Variants in POLI observed in about 807,000 individuals in gnomAD.
POLI encodes the protein RAD30 homolog B.
A neutral mutation model predicts 51.6 loss-of-function variants in POLI; 58 were observed. The observed-to-expected ratio is 1.12, with a 90% CI of 0.91 to 1.40. POLI has a LOEUF of 1.40. Among genes scored for constraint, POLI ranks in the 40% most tolerant of loss-of-function variants. POLI has a pLI of 0.00. For missense variants in POLI, 921 were observed against 871.3 expected (o/e 1.06, Z -0.72); for synonymous variants, 322 against 299.7 (o/e 1.07, Z -0.77).
At chr18:54,279,241 CTTTT>C (rs769828054) in intron 4 of POLI, among the ~76,000 whole-genome samples, 1 of 119,114 alleles carries the variant, frequency 8.4e-6, no homozygotes, top group African/African-American at 3.3e-5. Flanking sequence ...TATGTCTTTT[CTTTT>C]TTTTTTTTTT....
At position 54,295,000 on chromosome 18, in the gene POLI, A is replaced by G. The variant is rs953662269; in HGVS notation, c.*533A>G. ...ATTTATATTCAATTAATGCTTCTTC[A>G]TACACCAAGAATCTACCACAATACA... On this transcript the variant is annotated 3_prime_UTR_variant, in exon 10 of 10. Transcript: ENST00000579534. The G allele has an allele frequency of 1.0e-6, 1 of 985,048 alleles. No individual in the cohort carries two copies. The highest frequency in any genetic ancestry group is 1.7e-5 in the African/African-American group (1 of 57,242). The allele number at this position is 985,048 out of a possible 1,614,324, so 61.0% of individuals were successfully genotyped here. A position where few individuals can be genotyped will look rare whatever the true frequency, so the allele number is the denominator to read the frequency against.
At position 54,291,894 on chromosome 18, in the gene POLI, G is replaced by T. The variant is rs767795082; in HGVS notation, c.1260G>T (p.Val420=). The T allele has an allele frequency of 6.2e-7, 1 of 1,608,962 alleles. No homozygotes were observed. The highest frequency in any genetic ancestry group is 8.5e-7 in the Non-Finnish European group (1 of 1,175,888). The change falls in exon 9 of 10, where the codon GTG becomes GTT. Residue 420 remains valine, a synonymous_variant. Coordinates refer to ENST00000579534, the MANE Select transcript of POLI (RefSeq NM_007195.3). ...TTATGAAACTTTTTCGAAATATGGTGAATGTGAAGATGCCATTTCACCTTA... is the reference window on the plus strand; with the variant it reads ...TTATGAAACTTTTTCGAAATATGGTTAATGTGAAGATGCCATTTCACCTTA... ...DILMKLFRNM[V]NVKMPFHLTL...
At position 54,297,892 on chromosome 18, in the gene POLI, C is replaced by G. The variant is rs755707482; in HGVS notation, c.*3425C>G. ...GGGGCTTACCTTTTTTCTTGTGTGT[C>G]AGATGTTCCTTCTAGGTAGAATTCT... On this transcript the variant is annotated 3_prime_UTR_variant, in exon 10 of 10. Coordinates refer to ENST00000579534, the MANE Select transcript of POLI (RefSeq NM_007195.3). The G allele has an allele frequency of 3.0e-5, 29 of 982,118 alleles. No homozygotes were observed. The highest frequency in any genetic ancestry group is 3.5e-5 in the Non-Finnish European group (29 of 827,168). 60.8% of individuals were successfully genotyped at this position (982,118 alleles called of 1,614,324 possible).
intron 2 of POLI, 129 bp from the exon 3 acceptor site, chr18:54,273,797 G>C (rs2087116180): frequency 6.3e-6 from 3 of 473,276 alleles, no homozygotes; most frequent in Non-Finnish European, 7.2e-6. Context: ...TTTTTTAATT[G>C]AGACAGGGCT....
intron 3 of POLI, among the ~76,000 whole-genome samples, chr18:54,306,914 A>G (rs139955496): frequency 0.25 from 38,453 of 151,930 alleles, 5,080 homozygotes; most frequent in Middle Eastern, 0.3. Context: ...TGGGATCGGT[A>G]GTGATATCCC....
At position 54,291,969 on chromosome 18, in the gene POLI, GA is replaced by G; in HGVS notation, c.1338del (p.Ile449LeufsTer5). 1.2e-6 allele frequency: 2 copies of G among 1,611,626 alleles called. No homozygotes were observed. The highest frequency in any genetic ancestry group is 1.7e-6 in the Non-Finnish European group (2 of 1,178,470). ...ACCTTAAAGCACTAAATACTGCTAA[GA>G]AAGGGCTTATTGATTATTATTTAAT... ...CNLKALNTAK[K>X]GLIDYYLMPS... On this transcript the variant is annotated frameshift_variant, in exon 9 of 10. Transcript: ENST00000579534. LOFTEE classifies it high-confidence loss of function.
chr18:54,278,066 G>A (rs1435745911), intron 4 of POLI, among the ~76,000 whole-genome samples: 1 of 152,142 alleles, frequency 6.6e-6, no homozygotes. Context: ...TCAATGCTCT[G>A]TGCACTTTTC....
chr18:54,288,716 C>T (rs2087860429), intron 8 of POLI, among the ~76,000 whole-genome samples: 1 of 151,664 alleles, frequency 6.6e-6, no homozygotes. Context: ...CATCTGTCAT[C>T]TCATAACCGC....
At chr18:54,310,175 C>T (rs1044462306) in intron 3 of POLI, among the ~76,000 whole-genome samples, 18 of 152,230 alleles carry the variant, frequency 1.2e-4, no homozygotes, top group Admixed American at 9.8e-4. Context: ...GCATCAGTCA[C>T]ACTAGGAACT....
downstream of POLI, among the ~76,000 whole-genome samples, chr18:54,300,421 A>G (rs1440259121): frequency 6.6e-6 from 1 of 152,162 alleles, no homozygotes; most frequent in African/African-American, 2.4e-5. Context: ...TTAGAGATGT[A>G]TAATATAAAC....
chr18:54,271,133 T>A, intron 1 of POLI: 2 of 355,196 alleles, frequency 5.6e-6, no homozygotes, highest in Middle Eastern at 8.7e-4. Context: ...AACTTATTAC[T>A]ATCCTGAGAA....
At position 54,296,663 on chromosome 18, in the gene POLI, T is replaced by C; in HGVS notation, c.*2196T>C. 1 of 165,126 alleles carries C rather than the reference T, an allele frequency of 6.1e-6. No individual in the cohort carries two copies. The highest frequency in any genetic ancestry group is 1.3e-5 in the Non-Finnish European group (1 of 79,900). 10.2% of individuals were successfully genotyped at this position (165,126 alleles called of 1,614,324 possible). A position where few individuals can be genotyped will look rare whatever the true frequency, so the allele number is the denominator to read the frequency against. ...TTAATTTCTCATATTTTTCATCCTC[T>C]TGTTTCTCTTTACTGCATTTTGGGT... is the stretch of plus-strand genomic sequence containing the variant. On this transcript the variant is annotated 3_prime_UTR_variant, in exon 10 of 10. Coordinates refer to ENST00000579534, the MANE Select transcript of POLI (RefSeq NM_007195.3).
chr18:54,295,161 AG>A lies in POLI; in HGVS notation c.*697del. On this transcript the variant is annotated 3_prime_UTR_variant, in exon 10 of 10. Coordinates refer to ENST00000579534, the MANE Select transcript of POLI (RefSeq NM_007195.3). ...AGGAACTCTCCGTGCAAGTAAATTA[AG>A]GGAAAGATGGACACCAGAAAGGCAA... 2.0e-6 allele frequency: 2 copies of A among 984,308 alleles called. No individual in the cohort carries two copies. Among genetic ancestry groups the A allele is most frequent in the Non-Finnish European group, 2.4e-6 (2 of 829,506 alleles). 61.0% of individuals were successfully genotyped at this position (984,308 alleles called of 1,614,324 possible). A position where few individuals can be genotyped will look rare whatever the true frequency, so the allele number is the denominator to read the frequency against.
Position 54,296,453 on chromosome 18 carries a change from T to C in POLI, c.*1986T>C. ...AGATTATCTCTTTTTTCTTTGGTGC[T>C]TTGCAGGTTTACTGTATTATTTGGA... On this transcript the variant is annotated 3_prime_UTR_variant, in exon 10 of 10. Transcript: ENST00000579534. 2 of 770,052 alleles carry C rather than the reference T, an allele frequency of 2.6e-6. No homozygotes were observed. Among genetic ancestry groups the C allele is most frequent in the South Asian group, 1.2e-4 (2 of 16,864 alleles). 47.7% of individuals were successfully genotyped at this position (770,052 alleles called of 1,614,324 possible).
At chr18:54,287,626 C>G (rs2087809864) in intron 8 of POLI, 1 of 366,624 alleles carries the variant, frequency 2.7e-6, no homozygotes, top group South Asian at 2.7e-5. Flanking sequence ...TGCACCAAGG[C>G]TGAAGTGCAG....
Position 54,295,494 on chromosome 18 carries a change from A to G in POLI, c.*1027A>G, listed in dbSNP as rs940074703. ...TACTAAAGTATCCCTCAGCACCAAT[A>G]TGGGAGTATCCTGGTCTCAAGTTTA... On this transcript the variant is annotated 3_prime_UTR_variant, in exon 10 of 10. Coordinates refer to ENST00000579534, the MANE Select transcript of POLI (RefSeq NM_007195.3). 10 of 949,486 alleles carry G rather than the reference A, an allele frequency of 1.1e-5. No homozygotes were observed. Among genetic ancestry groups the G allele is most frequent in the Non-Finnish European group, 2.5e-6 (2 of 797,364 alleles). The allele number at this position is 949,486 out of a possible 1,614,324, so 58.8% of individuals were successfully genotyped here.
chr18:54,271,438 C>A lies in POLI; in HGVS notation c.194C>A (p.Ala65Glu). 1 of 1,609,868 alleles carries A rather than the reference C, an allele frequency of 6.2e-7. No individual in the cohort carries two copies. The highest frequency in any genetic ancestry group is 8.5e-7 in the Non-Finnish European group (1 of 1,176,566). The change falls in exon 2 of 10, where the codon GCA (alanine) becomes GAA (glutamate). Residue 65 changes from alanine to glutamate, a missense_variant. By Grantham distance (107) the Ala-to-Glu change is moderately radical (BLOSUM62 -1). Coordinates refer to ENST00000579534, the MANE Select transcript of POLI (RefSeq NM_007195.3). ...IVHVDLDCFY[A>E]QVEMISNPEL... ...CATGTGGATCTGGATTGCTTTTATG[C>A]ACAAGTAGAAATGATCTCAAATCCA...
intron 3 of POLI, among the ~76,000 whole-genome samples, chr18:54,312,127 C>A (rs978419996): frequency 3.9e-5 from 6 of 152,096 alleles, no homozygotes; most frequent in African/African-American, 1.4e-4. Context: ...ATATTCCCCC[C>A]CAGCGTCTGT....
At chr18:54,278,763 C>A (rs1287578031) in intron 4 of POLI, among the ~76,000 whole-genome samples, 1 of 152,228 alleles carries the variant, frequency 6.6e-6, no homozygotes, top group Non-Finnish European at 1.5e-5. Context: ...GGCTTTCAGA[C>A]ATCTTATGAC....
Sources: gnomAD v4.1 joint callset for allele counts (sites outside exome capture counted in the v4.1 genomes callset) on GRCh38, gnomAD v4.1.1 for gene constraint, MANE v1.5 for transcripts, NCBI Gene and HGNC (gene_info 2026-07-23, HGNC 2026-07-21) for gene names.